The following MSRA variants were observed in gnomAD, a reference collection of about 807,000 sequenced individuals.
The protein encoded by MSRA is mitochondrial peptide methionine sulfoxide reductase.
Under a neutral mutation model 31.3 loss-of-function variants are expected in MSRA, and 54 were observed. The ratio of observed to expected loss-of-function variants is 1.73; its 90% CI spans 1.39 to 2.17. MSRA has a LOEUF of 2.17. Among genes scored for constraint, MSRA ranks in the 30% most tolerant of loss-of-function variants. The probability of loss-of-function intolerance (pLI) is 0.00; values close to 1 mark genes in which losing one functional copy is unlikely to be tolerated. For synonymous variants in MSRA, 169 were observed against 116.5 expected, an observed-to-expected ratio of 1.45 and a Z score of -2.90; for missense variants, 507 against 300.9, an observed-to-expected ratio of 1.69 and a Z score of -5.07.
chr8:10,426,862 T>C (rs998752818), intron 5 of MSRA, among the ~76,000 whole-genome samples: 1 of 152,234 alleles, frequency 6.6e-6, no homozygotes, highest in African/African-American at 2.4e-5. Flanking sequence ...GACATTAGAA[T>C]GGCTCCTCAT....
At position 10,060,282 on chromosome 8, in the gene MSRA, A is replaced by G. The variant is rs935908629; in HGVS notation, c.142+5624A>G. 2.6e-4 allele frequency among the ~76,000 whole-genome samples: 39 copies of G among 151,712 alleles called. 1 individual carries two copies. Among genetic ancestry groups the G allele is most frequent in the African/African-American group, 9.5e-4 (39 of 40,968 alleles). On this transcript the variant is annotated intron_variant, in intron 1 of 5. Transcript: ENST00000317173. ...CACAATGGATATGCAGCTGTAAAAA[A>G]GAATGTGGAACATCTGTGTGAATGG... is the stretch of plus-strand genomic sequence containing the variant.
intron 1 of MSRA, among the ~76,000 whole-genome samples, chr8:10,196,007 C>T (rs1305546080): frequency 6.6e-6 from 1 of 152,176 alleles, no homozygotes; most frequent in Admixed American, 6.5e-5. Flanking sequence ...CCATCAGGCT[C>T]AGCTGACCAT....
chr8:10,173,859 T>G (rs760234711), intron 1 of MSRA, among the ~76,000 whole-genome samples: 1 of 152,224 alleles, frequency 6.6e-6, no homozygotes, highest in Middle Eastern at 3.2e-3. Flanking sequence ...AGGCAGCATT[T>G]GTCTGCTGCA....
rs372503609 is a variant in MSRA at position 10,283,836 on chromosome 8, T to TAC, written c.332-17666_332-17665dup. 4.8e-3 allele frequency among the ~76,000 whole-genome samples: 257 copies of TAC among 53,112 alleles called. 1 individual carries two copies. The highest frequency in any genetic ancestry group is 0.011 in the African/African-American group (122 of 11,556). 34.8% of individuals were successfully genotyped at this position (53,112 alleles called of 152,430 possible). Reference sequence around the variant, plus strand: ...ATATATATATATATATATATATATATACACACACACACACACACACACACA... The same window carrying TAC: ...ATATATATATATATATATATATATATACACACACACACACACACACACACACA... On this transcript the variant is annotated intron_variant, in intron 3 of 5. Transcript: ENST00000317173.
At chr8:10,191,722 T>C (rs1348613753) in intron 1 of MSRA, among the ~76,000 whole-genome samples, 1 of 152,164 alleles carries the variant, frequency 6.6e-6, no homozygotes, top group African/African-American at 2.4e-5. Flanking sequence ...ACTGGAAATA[T>C]ATTGTTCCTG....
At chr8:10,169,373 G>C (rs1805411462) in intron 1 of MSRA, among the ~76,000 whole-genome samples, 1 of 152,218 alleles carries the variant, frequency 6.6e-6, no homozygotes, top group African/African-American at 2.4e-5. Flanking sequence ...TCTGATTCTT[G>C]CCTGTTTCTC....
intron 1 of MSRA, among the ~76,000 whole-genome samples, chr8:10,162,603 G>T (rs1037425322): frequency 2.0e-5 from 3 of 152,258 alleles, no homozygotes; most frequent in Middle Eastern, 3.4e-3. Context: ...GTCAAACTGT[G>T]GCACAGGGGA....
intron 3 of MSRA, among the ~76,000 whole-genome samples, chr8:10,283,340 A>G (rs1035490758): frequency 4.6e-5 from 7 of 152,156 alleles, no homozygotes; most frequent in African/African-American, 1.4e-4. Context: ...CATATTTATT[A>G]GGAGTATTGT....
chr8:10,424,689 C>A (rs1005304742), intron 5 of MSRA, among the ~76,000 whole-genome samples: 6 of 151,964 alleles, frequency 3.9e-5, no homozygotes, highest in African/African-American at 7.2e-5. Context: ...TGGGTTGGAT[C>A]GGAGAGAAAG....
chr8:10,068,606 G>C (rs1025574099), intron 1 of MSRA, among the ~76,000 whole-genome samples: 1 of 152,206 alleles, frequency 6.6e-6, no homozygotes, highest in Non-Finnish European at 1.5e-5. Context: ...TGTCAAAGAT[G>C]AGTTGACCAT....
intron 4 of MSRA, among the ~76,000 whole-genome samples, chr8:10,313,588 CA>C (rs1801555841): frequency 6.6e-6 from 1 of 152,096 alleles, no homozygotes; most frequent in Non-Finnish European, 1.5e-5. Flanking sequence ...CAATTCTCTC[CA>C]AATTGTTTTA....
intron 3 of MSRA, among the ~76,000 whole-genome samples, chr8:10,289,584 G>A (rs1340296095): frequency 1.3e-5 from 2 of 152,122 alleles, no homozygotes; most frequent in African/African-American, 4.8e-5. Flanking sequence ...TCACCCTGTT[G>A]TGCTATCAAA....
At chr8:10,124,274 A>G (rs1801335928) in intron 1 of MSRA, among the ~76,000 whole-genome samples, 1 of 152,174 alleles carries the variant, frequency 6.6e-6, no homozygotes, top group South Asian at 2.1e-4. Context: ...CAGCTCCAAG[A>G]AGATTGGCAG....
intron 5 of MSRA, among the ~76,000 whole-genome samples, chr8:10,397,869 A>G (rs1161275453): frequency 6.6e-6 from 1 of 152,196 alleles, no homozygotes; most frequent in African/African-American, 2.4e-5. Flanking sequence ...AAAAAAAAGG[A>G]GAAGTAAGGA....
At chr8:10,257,571 T>C (rs893712185) in intron 3 of MSRA, among the ~76,000 whole-genome samples, 3 of 152,036 alleles carry the variant, frequency 2.0e-5, no homozygotes, top group Non-Finnish European at 4.4e-5. Flanking sequence ...CGCGCCCAAG[T>C]AGTTTTTTGT....
chr8:10,301,451 C>T, intron 3 of MSRA, 83 bp from the exon 4 acceptor site: 1 of 1,032,606 alleles, frequency 9.7e-7, no homozygotes, highest in Non-Finnish European at 1.5e-6. Context: ...CAGCTTTTGT[C>T]TGTTGTTTTT....
intron 1 of MSRA, among the ~76,000 whole-genome samples, chr8:10,121,772 G>A (rs1451537041): frequency 1.3e-5 from 2 of 151,778 alleles, no homozygotes; most frequent in Non-Finnish European, 2.9e-5. Flanking sequence ...CTAAGCTCAA[G>A]CGATCCTCCC....
rs142521971 is a variant in MSRA at position 10,323,050 on chromosome 8, A to G, written c.543+3061A>G. ...GGTTGCACTGAGCTGAGATTGCATT[A>G]CTAAACTCCAGCCTGGGCAACAGAG... On this transcript the variant is annotated intron_variant, in intron 5 of 5. Coordinates refer to ENST00000317173, the MANE Select transcript of MSRA (RefSeq NM_012331.5). Among the ~76,000 whole-genome samples, 8 of 149,346 alleles carry G rather than the reference A, an allele frequency of 5.4e-5. No individual in the cohort carries two copies. In the East Asian group the frequency reaches 1.6e-3, roughly 30 times the overall value.
intron 3 of MSRA, among the ~76,000 whole-genome samples, chr8:10,297,026 T>C (rs1015429167): frequency 2.9e-4 from 44 of 152,276 alleles, no homozygotes; most frequent in African/African-American, 9.6e-4. Context: ...AAGGTGACAT[T>C]TTCTCCACGG....
Sources: gnomAD v4.1 joint callset for allele counts (sites outside exome capture counted in the v4.1 genomes callset) on GRCh38, gnomAD v4.1.1 for gene constraint, MANE v1.5 for transcripts, NCBI Gene and HGNC (gene_info 2026-07-23, HGNC 2026-07-21) for gene names.